MTHFD1: variants seen among roughly 807,000 people sequenced by gnomAD.
MTHFD1 encodes the protein C-1-tetrahydrofolate synthase, cytoplasmic.
A neutral mutation model predicts 110.3 loss-of-function variants in MTHFD1; 44 were observed. The ratio of observed to expected loss-of-function variants is 0.40; its 90% CI spans 0.31 to 0.51. MTHFD1 has a LOEUF of 0.51. Among genes scored for constraint, MTHFD1 ranks in the 20% least tolerant of loss-of-function variants. The pLI is 0.60. For synonymous variants in MTHFD1, 402 were observed against 428.8 expected (o/e 0.94, Z 0.77); for missense variants, 909 against 1,173.1 (o/e 0.77, Z 3.29).
At position 64,425,788 on chromosome 14, in the gene MTHFD1, T is replaced by C; in HGVS notation, c.914T>C (p.Ile305Thr). 3 of 1,613,862 alleles carry C rather than the reference T, an allele frequency of 1.9e-6. No homozygotes were observed. The highest frequency in any genetic ancestry group is 1.3e-5 in the African/African-American group (1 of 75,034). ...LEKFKPGKWM[I>T]QYNNLNLKTP... ...AAATTTAAGCCAGGAAAGTGGATGA[T>C]TCAGTATAACAACCTTAACCTCAAG... The change falls in exon 10 of 28, where the codon ATT becomes ACT. Residue 305 changes from isoleucine (I) to threonine (T), a missense_variant. By Grantham distance (89) the Ile-to-Thr change is moderately conservative. Around this residue, in one of 3 missense-constraint regions of MTHFD1, gnomAD observed 424 missense variants for 510.4 expected, o/e 0.83. Transcript: ENST00000652337.
intron 2 of MTHFD1, among the ~76,000 whole-genome samples, chr14:64,409,709 A>C (rs141894269): frequency 3.3e-4 from 51 of 152,300 alleles, no homozygotes; most frequent in African/African-American, 1.2e-3. Context: ...CCATTAAAAA[A>C]AAAGGTAGAA....
intron 26 of MTHFD1, chr14:64,455,140 C>G: frequency 2.2e-6 from 1 of 448,834 alleles, no homozygotes. Context: ...GGACAGTATG[C>G]TCTTCACTGA....
chr14:64,425,321 T>A (rs560227727), intron 9 of MTHFD1, among the ~76,000 whole-genome samples: 3 of 151,600 alleles, frequency 2.0e-5, no homozygotes, highest in Non-Finnish European at 4.4e-5. Flanking sequence ...CAAGTGATTC[T>A]CCTGCCTCAG....
At chr14:64,397,173 ATATATATATATATATAT>A (rs1309979941) in intron 1 of MTHFD1, among the ~76,000 whole-genome samples, 7 of 23,018 alleles carry the variant, frequency 3.0e-4, no homozygotes, top group South Asian at 1.9e-3. Context: ...ATATATATAT[ATATATATATATATATAT>A]AAAAAACAGT....
At position 64,417,746 on chromosome 14, in the gene MTHFD1, C is replaced by T. The variant is rs1200549879; in HGVS notation, c.479-142C>T. The T allele has an allele frequency of 1.9e-6, 2 of 1,070,940 alleles. No individual in the cohort carries two copies. The highest frequency in any genetic ancestry group is 2.8e-6 in the Non-Finnish European group (2 of 711,556). 66.3% of individuals were successfully genotyped at this position (1,070,940 alleles called of 1,614,324 possible). A position where few individuals can be genotyped will look rare whatever the true frequency, so the allele number is the denominator to read the frequency against. The stretch of plus-strand genomic sequence containing the variant: ...AACCCTAGAGTTGAGAATATTATTG[C>T]CAAAGAAGGAATGCTTTTAGGAAGG... On this transcript the variant is annotated intron_variant, in intron 6 of 27. Coordinates refer to ENST00000652337, the MANE Select transcript of MTHFD1 (RefSeq NM_005956.4). This position sits in a 1 kb window ranked among gnomAD's most constrained non-coding sequence, Gnocchi z 4.4.
intron 4 of MTHFD1, among the ~76,000 whole-genome samples, chr14:64,414,734 T>C (rs2884244): frequency 0.83 from 125,139 of 150,448 alleles, 52,185 homozygotes; most frequent in Middle Eastern, 0.93. Context: ...CTCAACTCAC[T>C]GCTGGAGTGC....
chr14:64,415,517 T>C, intron 5 of MTHFD1, 23 bp downstream of exon 5: 1 of 1,614,090 alleles, frequency 6.2e-7, no homozygotes, highest in South Asian at 1.1e-5. Context: ...TGGCTTCCTA[T>C]GTCTCATTGC....
chr14:64,441,934 T>C, intron 19 of MTHFD1, 120 bp from the exon 20 acceptor site: 1 of 739,420 alleles, frequency 1.4e-6, no homozygotes, highest in Non-Finnish European at 2.4e-6. Flanking sequence ...GATGACTTTA[T>C]ATTTTCCCTC....
intron 27 of MTHFD1, among the ~76,000 whole-genome samples, chr14:64,459,351 G>A (rs1234486366): frequency 1.3e-5 from 2 of 152,132 alleles, no homozygotes. Flanking sequence ...ACAGGTTGGG[G>A]GAGCACCTGA....
At chr14:64,391,328 C>A in intron 1 of MTHFD1, among the ~76,000 whole-genome samples, 1 of 152,106 alleles carries the variant, frequency 6.6e-6, no homozygotes, top group East Asian at 1.9e-4. Context: ...CTATGCCCGG[C>A]TAATTTTTGA....
Position 64,425,817 on chromosome 14 carries a change from C to T in MTHFD1, c.943C>T (p.Pro315Ser). The part of the protein sequence containing the change: ...IQYNNLNLKT[P>S]VPSDIDISRS... ...GTATAACAACCTTAACCTCAAGACACCTGTTCCAAGGTAAAAATAAAGTTT... is the reference window on the plus strand; with the variant it reads ...GTATAACAACCTTAACCTCAAGACATCTGTTCCAAGGTAAAAATAAAGTTT... The change falls in exon 10 of 28, where the codon CCT becomes TCT. Residue 315 changes from proline to serine, a missense_variant. Physicochemically the swap from Pro to Ser is moderately conservative, Grantham distance 74. This residue lies in a region of MTHFD1 where 424 missense variants were observed against 510.4 expected (regional missense o/e 0.83). Transcript: ENST00000652337. The T allele has an allele frequency of 1.9e-6, 3 of 1,613,636 alleles. No individual in the cohort carries two copies.
chr14:64,423,495 A>G (rs375113577), intron 8 of MTHFD1, among the ~76,000 whole-genome samples: 1 of 150,278 alleles, frequency 6.7e-6, no homozygotes, highest in South Asian at 2.1e-4. Context: ...CCCGGGTTCA[A>G]GTGAGTCTCC....
At chr14:64,441,760 G>T (rs943335826) in intron 19 of MTHFD1, 4 of 544,578 alleles carry the variant, frequency 7.3e-6, no homozygotes, top group Non-Finnish European at 3.3e-6. Context: ...CCGAGATCAC[G>T]CCACTGCACT....
intron 15 of MTHFD1, among the ~76,000 whole-genome samples, chr14:64,435,026 T>G (rs1268836252): frequency 1.4e-5 from 2 of 142,130 alleles, no homozygotes; most frequent in East Asian, 4.6e-4. Context: ...CTTGGCTTAC[T>G]GCAACCTCTA....
Position 64,417,241 on chromosome 14 carries a change from T to C in MTHFD1, c.479-647T>C, listed in dbSNP as rs1057111312. ...TGGTCCCCTGTCCACTACTGGGTACTCACTCAGGCTGTCTTTAGTAGAGTA... is the reference window on the plus strand; with the variant it reads ...TGGTCCCCTGTCCACTACTGGGTACCCACTCAGGCTGTCTTTAGTAGAGTA... On this transcript the variant is annotated intron_variant, in intron 6 of 27. Coordinates refer to ENST00000652337, the MANE Select transcript of MTHFD1 (RefSeq NM_005956.4). This position sits in a 1 kb window ranked among gnomAD's most constrained non-coding sequence, Gnocchi z 4.4. Among the ~76,000 whole-genome samples, 1 of 152,208 alleles carries C rather than the reference T, an allele frequency of 6.6e-6. No homozygotes were observed. Among genetic ancestry groups the C allele is most frequent in the African/African-American group, 2.4e-5 (1 of 41,460 alleles).
rs1017929496 is a variant in MTHFD1, at chr14:64,430,254, G to T, written c.1311+24G>T. 10 of 1,609,858 alleles carry T rather than the reference G, an allele frequency of 6.2e-6. No individual in the cohort carries two copies. The Admixed American group carries it at 1.2e-4, about 19-fold the overall frequency. Reference sequence around the variant, plus strand: ...AGGTAAAGTATTCTGGGATTTGGCTGAATTAGATCCCCCTTTTTTTGTCGG... The same window carrying T: ...AGGTAAAGTATTCTGGGATTTGGCTTAATTAGATCCCCCTTTTTTTGTCGG... On this transcript the variant is annotated intron_variant, in intron 13 of 27. Transcript: ENST00000652337.
intron 21 of MTHFD1, 117 bp from the exon 22 acceptor site, chr14:64,444,576 T>C (rs903475406): frequency 2.6e-6 from 3 of 1,132,924 alleles, no homozygotes; most frequent in Admixed American, 1.8e-5. Flanking sequence ...AATAATCTTA[T>C]ACTACTGTAC....
At chr14:64,403,734 C>G (rs61492945) in intron 2 of MTHFD1, among the ~76,000 whole-genome samples, 1 of 151,704 alleles carries the variant, frequency 6.6e-6, no homozygotes, top group South Asian at 2.1e-4. Flanking sequence ...TTTGTAGAGA[C>G]GGTTTTTTGC....
At chr14:64,415,285 T>G in intron 4 of MTHFD1, 73 bp from the exon 5 acceptor site, 2 of 1,340,600 alleles carry the variant, frequency 1.5e-6, no homozygotes, top group Non-Finnish European at 1.1e-6. Flanking sequence ...ACCTAATTTT[T>G]GCCTTAGAAA....
Sources: allele counts gnomAD v4.1 joint callset (sites outside exome capture counted in the v4.1 genomes callset), GRCh38; gene constraint gnomAD v4.1.1; regional missense constraint gnomAD v4.1.1; non-coding constraint Gnocchi (gnomAD v3.1); transcripts MANE v1.5; gene names NCBI Gene and HGNC (gene_info 2026-07-23, HGNC 2026-07-21).